Variants in ASIC2 observed in about 807,000 individuals in gnomAD.
ASIC2 encodes acid sensing ion channel subunit 2, also known as acid-sensing ion channel 2.
A neutral mutation model predicts 57.3 loss-of-function variants in ASIC2; 25 were observed. That is an observed-to-expected ratio of 0.44 (90% CI 0.32 to 0.61). The LOEUF is 0.61. Among genes scored for constraint, ASIC2 ranks in the 20% least tolerant of loss-of-function variants. The pLI is 0.06. For missense variants in ASIC2, 641 were observed against 738.1 expected (o/e 0.87, Z 1.52); for synonymous variants, 319 against 307.5 (o/e 1.04, Z -0.39).
At chr17:33,726,250 C>T (rs1281293317) in intron 1 of ASIC2, among the ~76,000 whole-genome samples, 2 of 152,248 alleles carry the variant, frequency 1.3e-5, no homozygotes, top group East Asian at 3.9e-4. Context: ...GTCCTAGCAT[C>T]CCAGTTGAGC....
chr17:34,087,627 CAG>C (rs1910160365), intron 1 of ASIC2, among the ~76,000 whole-genome samples: 1 of 152,122 alleles, frequency 6.6e-6, no homozygotes, highest in South Asian at 2.1e-4. Context: ...TAATATCCTG[CAG>C]AGTGTTTTCC....
chr17:33,151,528 C>G (rs1465276063), intron 1 of ASIC2, among the ~76,000 whole-genome samples: 2 of 152,144 alleles, frequency 1.3e-5, no homozygotes, highest in Admixed American at 1.3e-4. Context: ...GAAGTTCATT[C>G]GTTGGAAACT....
intron 1 of ASIC2, among the ~76,000 whole-genome samples, chr17:33,918,501 A>G (rs1285893139): frequency 6.6e-6 from 1 of 152,202 alleles, no homozygotes; most frequent in Non-Finnish European, 1.5e-5. Context: ...TTGCCTGAAA[A>G]GTTAAAAAAA....
intron 1 of ASIC2, among the ~76,000 whole-genome samples, chr17:33,944,266 G>T (rs1272366945): frequency 6.6e-6 from 1 of 152,236 alleles, no homozygotes; most frequent in Non-Finnish European, 1.5e-5. Context: ...CTGAGGGTGT[G>T]ACCCATAGGG....
chr17:33,379,897 G>A (rs761631518), intron 1 of ASIC2, among the ~76,000 whole-genome samples: 6 of 152,080 alleles, frequency 3.9e-5, no homozygotes, highest in Non-Finnish European at 7.4e-5. Context: ...ATCTGGCACC[G>A]AGTAGGAATT....
intron 1 of ASIC2, among the ~76,000 whole-genome samples, chr17:33,939,884 G>A (rs549198085): frequency 6.6e-6 from 1 of 152,184 alleles, no homozygotes; most frequent in Non-Finnish European, 1.5e-5. Context: ...GGGAAAGGTG[G>A]TGCTGCTGGT....
intron 1 of ASIC2, among the ~76,000 whole-genome samples, chr17:33,302,765 A>G (rs1256177333): frequency 2.0e-5 from 3 of 152,162 alleles, no homozygotes; most frequent in African/African-American, 7.2e-5. Flanking sequence ...ACCCAAACAG[A>G]AGGGAAGGGG....
At chr17:33,568,712 T>C (rs546278984) in intron 1 of ASIC2, among the ~76,000 whole-genome samples, 1 of 152,346 alleles carries the variant, frequency 6.6e-6, no homozygotes, top group East Asian at 1.9e-4. Context: ...CCTATCTCTC[T>C]AATAGATAAT....
chr17:33,555,307 C>A (rs561467151), intron 1 of ASIC2, among the ~76,000 whole-genome samples: 1 of 152,222 alleles, frequency 6.6e-6, no homozygotes, highest in South Asian at 2.1e-4. Context: ...CGGAGTAGTC[C>A]AAATTCTTGT....
intron 1 of ASIC2, among the ~76,000 whole-genome samples, chr17:34,095,604 A>ATT (rs1476143389): frequency 1.9e-3 from 128 of 67,774 alleles, no homozygotes; most frequent in African/African-American, 8.1e-3. Context: ...AAGCAGGCAA[A>ATT]TTTTATATAT....
At chr17:33,915,015 G>T (rs1915554077) in intron 1 of ASIC2, among the ~76,000 whole-genome samples, 1 of 152,224 alleles carries the variant, frequency 6.6e-6, no homozygotes, top group South Asian at 2.1e-4. Context: ...TGAAGGGTTA[G>T]CACCAAACAC....
chr17:33,469,807 A>G (rs1225493768), intron 1 of ASIC2, among the ~76,000 whole-genome samples: 2 of 152,196 alleles, frequency 1.3e-5, no homozygotes, highest in Non-Finnish European at 2.9e-5. Context: ...CAATTCCCTG[A>G]TATCTACTTA....
chr17:33,583,409 G>A (rs1162499038), intron 1 of ASIC2, among the ~76,000 whole-genome samples: 1 of 152,110 alleles, frequency 6.6e-6, no homozygotes, highest in African/African-American at 2.4e-5. Context: ...AAATGCTTAT[G>A]TGTGGACATT....
At chr17:33,252,794 TC>T (rs1277312552) in intron 1 of ASIC2, among the ~76,000 whole-genome samples, 1 of 152,134 alleles carries the variant, frequency 6.6e-6, no homozygotes, top group African/African-American at 2.4e-5. Flanking sequence ...CTTCCCCTCA[TC>T]CAAGAACTTG....
At chr17:33,143,697 G>A (rs775398519) in intron 1 of ASIC2, among the ~76,000 whole-genome samples, 2 of 151,244 alleles carry the variant, frequency 1.3e-5, no homozygotes, top group Non-Finnish European at 1.5e-5. Flanking sequence ...CCATAGCAAC[G>A]ATAGTAAAAT....
intron 1 of ASIC2, among the ~76,000 whole-genome samples, chr17:33,873,874 C>T (rs562024658): frequency 4.6e-5 from 7 of 152,318 alleles, no homozygotes; most frequent in African/African-American, 1.7e-4. Context: ...ATGGCCCCAA[C>T]TCCCTTCCAC....
At chr17:33,824,844 T>C (rs1912858490) in intron 1 of ASIC2, among the ~76,000 whole-genome samples, 1 of 152,338 alleles carries the variant, frequency 6.6e-6, no homozygotes, top group South Asian at 2.1e-4. Flanking sequence ...TCCCCAGCCA[T>C]GTGGAGCTGT....
intron 1 of ASIC2, among the ~76,000 whole-genome samples, chr17:33,745,306 G>A (rs1431978562): frequency 4.6e-5 from 7 of 152,102 alleles, no homozygotes; most frequent in South Asian, 2.1e-4. Context: ...AATGCCGTGT[G>A]CTGCAGAATT....
chr17:33,333,690 T>A (rs187442314), intron 1 of ASIC2, among the ~76,000 whole-genome samples: 1 of 152,090 alleles, frequency 6.6e-6, no homozygotes, highest in Non-Finnish European at 1.5e-5. Flanking sequence ...AAATAAACAA[T>A]GTTAAGGACA....
Sources: gnomAD v4.1 joint callset for allele counts (sites outside exome capture counted in the v4.1 genomes callset) on GRCh38, gnomAD v4.1.1 for gene constraint, MANE v1.5 for transcripts, NCBI Gene and HGNC (gene_info 2026-07-23, HGNC 2026-07-21) for gene names.